Variants in HMMR observed in about 807,000 individuals in gnomAD.
HMMR encodes intracellular hyaluronic acid-binding protein.
HMMR carries 108 observed loss-of-function variants against 101.0 expected under a neutral mutation model. The observed-to-expected ratio is 1.07, with a 90% CI of 0.92 to 1.25. HMMR has a LOEUF of 1.25. HMMR is among the 50% of genes most tolerant of loss of function. The pLI is 0.00. For synonymous variants in HMMR, 296 were observed against 276.4 expected (o/e 1.07, Z -0.70); for missense variants, 813 against 788.7 (o/e 1.03, Z -0.37).
At chr5:163,479,574 G>C (rs759730697) in intron 12 of HMMR, among the ~76,000 whole-genome samples, 1 of 152,116 alleles carries the variant, frequency 6.6e-6, no homozygotes, top group Admixed American at 6.5e-5. Context: ...AGGGCAGGAG[G>C]ATCACCTGAG....
At chr5:163,467,061 C>T (rs889342129) in intron 3 of HMMR, among the ~76,000 whole-genome samples, 22 of 152,136 alleles carry the variant, frequency 1.4e-4, no homozygotes, top group Non-Finnish European at 1.2e-4. Context: ...ATAAACATGA[C>T]ACTGATGTCA....
intron 16 of HMMR, among the ~76,000 whole-genome samples, chr5:163,488,494 CT>C (rs933486335): frequency 6.6e-6 from 1 of 152,102 alleles, no homozygotes; most frequent in Non-Finnish European, 1.5e-5. Flanking sequence ...CTTTTGGGGG[CT>C]TTTTATTTGC....
intron 16 of HMMR, among the ~76,000 whole-genome samples, chr5:163,487,017 C>T (rs928490054): frequency 6.6e-6 from 1 of 152,086 alleles, no homozygotes; most frequent in Non-Finnish European, 1.5e-5. Flanking sequence ...TTGCAGTGAA[C>T]CGAGATGGAG....
chr5:163,467,824 C>A, intron 4 of HMMR, 76 bp downstream of exon 4: 1 of 951,652 alleles, frequency 1.1e-6, no homozygotes. Flanking sequence ...GATAAGGATT[C>A]TGTTGCAGTG....
chr5:163,471,457 G>GA lies in HMMR; in HGVS notation c.648dup (p.Leu217ThrfsTer10), dbSNP rs1385299497. The GA allele has an allele frequency of 1.2e-6, 2 of 1,605,002 alleles. No individual in the cohort carries two copies. The highest frequency in any genetic ancestry group is 3.3e-5 in the Admixed American group (2 of 59,914). ...CAAGGGAAAATAGCCCAACTGGAGG[G>GA]AAAACTGTAAGTGAGTGAATGTGAA... On this transcript the variant is annotated frameshift_variant, in exon 7 of 18. Transcript: ENST00000393915. LOFTEE classifies it high-confidence loss of function.
intron 4 of HMMR, 36 bp downstream of exon 4, chr5:163,467,784 T>A (rs535040611): frequency 1.6e-6 from 2 of 1,239,976 alleles, no homozygotes; most frequent in African/African-American, 3.0e-5. Flanking sequence ...AAAGTACACA[T>A]GATAGAAAGA....
In HMMR at chr5:163,489,737, A is replaced by T. The variant is rs141178408; in HGVS notation, c.1963-653A>T. ...GGAGGAAGGGATCCCCCACCTCACA[A>T]TTGCATTTGTCCAGGATATAACTGC... On this transcript the variant is annotated intron_variant, in intron 16 of 17. Transcript: ENST00000393915. Among the ~76,000 whole-genome samples the T allele has an allele frequency of 2.4e-4, 36 of 152,268 alleles. 1 individual carries two copies. The East Asian group carries it at 5.8e-3, about 25-fold the overall frequency.
At chr5:163,467,564 ATGT>A (rs1758741931) in intron 3 of HMMR, 134 bp from the exon 4 acceptor site, 1 of 525,960 alleles carries the variant, frequency 1.9e-6, no homozygotes, top group Non-Finnish European at 3.5e-6. Context: ...GGCCTACACA[ATGT>A]TTAACAGTGT....
At chr5:163,487,051 C>T (rs1212285239) in intron 16 of HMMR, among the ~76,000 whole-genome samples, 7 of 152,014 alleles carry the variant, frequency 4.6e-5, no homozygotes, top group Non-Finnish European at 7.4e-5. Context: ...GAGACAACAG[C>T]GAAACAATCT....
chr5:163,491,006 G>T, intron 17 of HMMR, 106 bp from the exon 18 acceptor site: 1 of 561,508 alleles, frequency 1.8e-6, no homozygotes. Flanking sequence ...AGAATATATT[G>T]CTTCATCTGC....
At chr5:163,486,015 A>G (rs1759465530) in intron 16 of HMMR, among the ~76,000 whole-genome samples, 1 of 152,206 alleles carries the variant, frequency 6.6e-6, no homozygotes, top group Admixed American at 6.5e-5. Flanking sequence ...CTATACATCT[A>G]TCCTTGTGCC....
intron 8 of HMMR, 36 bp from the exon 9 acceptor site, chr5:163,473,343 T>C (rs759754451): frequency 1.3e-6 from 2 of 1,558,502 alleles, no homozygotes; most frequent in East Asian, 4.5e-5. Flanking sequence ...TGTGCCTAAA[T>C]AGATGTGCTT....
At chr5:163,464,847 A>T in intron 3 of HMMR, 45 bp downstream of exon 3, 2 of 1,153,678 alleles carry the variant, frequency 1.7e-6, no homozygotes, top group Non-Finnish European at 2.6e-6. Context: ...GTGTATCATC[A>T]AAAACATCTG....
chr5:163,473,676 A>G (rs1758973775), intron 9 of HMMR, 119 bp downstream of exon 9: 1 of 608,020 alleles, frequency 1.6e-6, no homozygotes. Context: ...CATTTTAAAT[A>G]TAATTAGCTA....
chr5:163,474,505 T>C (rs1248520538), intron 10 of HMMR: 1 of 469,408 alleles, frequency 2.1e-6, no homozygotes, highest in Non-Finnish European at 4.2e-6. Context: ...ACACTTACCT[T>C]GTAAAAGACT....
In HMMR at chr5:163,491,725, GT is replaced by G. The variant is rs989434054; in HGVS notation, c.*564del. 6.6e-6 allele frequency: 1 copy of G among 152,094 alleles called. No homozygotes were observed. Among genetic ancestry groups the G allele is most frequent in the African/African-American group, 2.4e-5 (1 of 41,426 alleles). The allele number at this position is 152,094 out of a possible 1,614,324, so 9.4% of individuals were successfully genotyped here. ...TTTACAGGTTCTTAGGCTCCATCCT[GT>G]TTGTATGAAATTATAATCTGTGGAT... On this transcript the variant is annotated 3_prime_UTR_variant, in exon 18 of 18. Coordinates refer to ENST00000393915, the MANE Select transcript of HMMR (RefSeq NM_001142556.2).
intron 4 of HMMR, 21 bp downstream of exon 4, chr5:163,467,769 A>G: frequency 7.4e-7 from 1 of 1,346,638 alleles, no homozygotes; most frequent in Non-Finnish European, 1.1e-6. Flanking sequence ...CTTTAAACTT[A>G]GTGAAAAGTA....
At chr5:163,479,381 T>C (rs1759181612) in intron 12 of HMMR, among the ~76,000 whole-genome samples, 2 of 152,180 alleles carry the variant, frequency 1.3e-5, no homozygotes, top group Non-Finnish European at 2.9e-5. Context: ...CTGTAAAATA[T>C]ATTAATTAGC....
intron 7 of HMMR, among the ~76,000 whole-genome samples, chr5:163,471,744 A>T (rs1302307001): frequency 1.3e-5 from 2 of 152,206 alleles, no homozygotes. Flanking sequence ...ATTAGATTGA[A>T]ATTGAGAAAC....
Sources: gnomAD v4.1 joint callset for allele counts (sites outside exome capture counted in the v4.1 genomes callset) on GRCh38, gnomAD v4.1.1 for gene constraint, MANE v1.5 for transcripts, NCBI Gene and HGNC (gene_info 2026-07-23, HGNC 2026-07-21) for gene names.